VPS16: variants seen among roughly 807,000 people sequenced by gnomAD.
VPS16 encodes the protein VPS16 core subunit of CORVET and HOPS complexes, also known as vacuolar protein sorting-associated protein 16 homolog.
In VPS16, 82 loss-of-function variants were observed where a neutral mutation model predicts 116.0. The observed-to-expected ratio is 0.71, with a 90% CI of 0.59 to 0.85. The LOEUF (loss-of-function observed/expected upper bound fraction) is 0.85, where lower values mean the gene tolerates loss of function less well. Among genes scored for constraint, VPS16 ranks in the 40% least tolerant of loss-of-function variants. VPS16 has a pLI of 0.00. For synonymous variants in VPS16, 406 were observed against 420.7 expected (o/e 0.96, Z 0.43); for missense variants, 928 against 1,090.6 (o/e 0.85, Z 2.10).
rs1257014875 is a variant in VPS16 at position 2,863,782 on chromosome 20, C to T, written c.1477-167C>T. Among the ~76,000 whole-genome samples, 12 of 140,178 alleles carry T rather than the reference C, an allele frequency of 8.6e-5. No homozygotes were observed. The highest frequency in any genetic ancestry group is 1.1e-4 in the Non-Finnish European group (7 of 65,398). 92.0% of individuals were successfully genotyped at this position (140,178 alleles called of 152,430 possible). A position where few individuals can be genotyped will look rare whatever the true frequency, so the allele number is the denominator to read the frequency against. The stretch of plus-strand genomic sequence containing the variant: ...GTCTCAAAAAAAAAGAAAGAAGTGG[C>T]GGGGGCGGAGGAGGAGGGAAAGAGA... On this transcript the variant is annotated intron_variant, in intron 15 of 23. Coordinates refer to ENST00000380445, the MANE Select transcript of VPS16 (RefSeq NM_022575.4). The surrounding 1 kb of genome is among the most constrained non-coding windows in gnomAD (Gnocchi z 4.4).
In VPS16 at chr20:2,863,938, A is replaced by G; in HGVS notation, c.1477-11A>G. 6.2e-7 allele frequency: 1 copy of G among 1,612,760 alleles called. No individual in the cohort carries two copies. The highest frequency in any genetic ancestry group is 1.1e-5 in the South Asian group (1 of 90,990). ...CATCCAGATGTTTGTGACACCCCGC[A>G]TCCCTTGCAGGTGCAACAGAAGGAT... On this transcript the variant is annotated splice_polypyrimidine_tract_variant and intron_variant, in intron 15 of 23. Coordinates refer to ENST00000380445, the MANE Select transcript of VPS16 (RefSeq NM_022575.4). The surrounding 1 kb of genome is among the most constrained non-coding windows in gnomAD (Gnocchi z 4.4).
chr20:2,851,424 C>T (rs1221070334), intron 1 of VPS16, among the ~76,000 whole-genome samples: 5 of 152,008 alleles, frequency 3.3e-5, no homozygotes, highest in African/African-American at 9.7e-5. Context: ...GCCTGACCAA[C>T]GTGGAGAAAC....
chr20:2,861,308 G>A (rs1165829637), intron 8 of VPS16, 28 bp downstream of exon 8: 3 of 1,613,602 alleles, frequency 1.9e-6, no homozygotes, highest in Non-Finnish European at 2.5e-6. Flanking sequence ...ATTGCTGGGG[G>A]TGTGGGTGAG....
In VPS16 at chr20:2,840,778, G is replaced by A; in HGVS notation, c.4G>A (p.Asp2Asn). Reference protein sequence around the residue: MDCYTANWNPLG... With the variant: MNCYTANWNPLG... The stretch of plus-strand genomic sequence containing the variant: ...CCAGCTGCCGTCTGCACCAGCCATG[G>A]ACTGCTACACGGCGAACTGGAACCC... The change falls in exon 1 of 24, where the codon GAC (aspartate) becomes AAC (asparagine). Residue 2 changes from aspartate (D) to asparagine (N), a missense_variant. Transcript: ENST00000380445. The A allele has an allele frequency of 6.5e-7, 1 of 1,548,582 alleles. No homozygotes were observed. Among genetic ancestry groups the A allele is most frequent in the East Asian group, 2.4e-5 (1 of 40,876 alleles).
chr20:2,859,888 G>A, intron 2 of VPS16, 81 bp downstream of exon 2: 2 of 1,525,802 alleles, frequency 1.3e-6, no homozygotes, highest in Non-Finnish European at 1.8e-6. Context: ...CCTGCTGTCA[G>A]GTTGTTCTTG....
In VPS16 at chr20:2,840,766, G is replaced by C; in HGVS notation, c.-9G>C. 6.5e-7 allele frequency: 1 copy of C among 1,548,096 alleles called. No homozygotes were observed. Among genetic ancestry groups the C allele is most frequent in the Non-Finnish European group, 8.7e-7 (1 of 1,146,506 alleles). On this transcript the variant is annotated 5_prime_UTR_variant, in exon 1 of 24. Transcript: ENST00000380445. ...CCTCGGTGCTTCCCAGCTGCCGTCT[G>C]CACCAGCCATGGACTGCTACACGGC...
chr20:2,856,117 T>A (rs985328023), intron 1 of VPS16, among the ~76,000 whole-genome samples: 18 of 152,222 alleles, frequency 1.2e-4, no homozygotes, highest in Admixed American at 7.2e-4. Context: ...TTGCCACTCT[T>A]CTTTCACTTG....
chr20:2,865,582 C>A lies in VPS16; in HGVS notation c.2271+87C>A. 8.1e-7 allele frequency: 1 copy of A among 1,231,440 alleles called. No homozygotes were observed. Among genetic ancestry groups the A allele is most frequent in the East Asian group, 2.4e-5 (1 of 41,166 alleles). The allele number at this position is 1,231,440 out of a possible 1,614,324, so 76.3% of individuals were successfully genotyped here. A position where few individuals can be genotyped will look rare whatever the true frequency, so the allele number is the denominator to read the frequency against. On this transcript the variant is annotated intron_variant, in intron 22 of 23. Transcript: ENST00000380445. This position sits in a 1 kb window ranked among gnomAD's most constrained non-coding sequence, Gnocchi z 5.2. The stretch of plus-strand genomic sequence containing the variant: ...AGGCAGGGAGACAGATAGGATGGCC[C>A]GTTCATGCTCCTGTTCAGCTGCCCG...
At chr20:2,842,849 G>GACAGATAGATGTATCTATCGATAGACAT (rs1468119077) in intron 1 of VPS16, among the ~76,000 whole-genome samples, 1 of 144,572 alleles carries the variant, frequency 6.9e-6, no homozygotes, top group Non-Finnish European at 1.5e-5. Flanking sequence ...TCTATCGATA[G>GACAGATAGATGTATCTATCGATAGACAT]ATAGATGTAT....
chr20:2,846,984 C>T (rs2089066594), intron 1 of VPS16, among the ~76,000 whole-genome samples: 1 of 152,166 alleles, frequency 6.6e-6, no homozygotes, highest in African/African-American at 2.4e-5. Context: ...TGGCCTTCCT[C>T]ACTAAGTGTG....
At chr20:2,841,398 A>G (rs538458879) in intron 1 of VPS16, among the ~76,000 whole-genome samples, 4 of 152,332 alleles carry the variant, frequency 2.6e-5, no homozygotes, top group African/African-American at 7.2e-5. Flanking sequence ...CCTAATAGGA[A>G]AAACTACGAA....
rs2089292653 is a variant in VPS16, at chr20:2,864,485, T to C, written c.1818+23T>C. 6.2e-7 allele frequency: 1 copy of C among 1,614,042 alleles called. No individual in the cohort carries two copies. Among genetic ancestry groups the C allele is most frequent in the African/African-American group, 1.3e-5 (1 of 74,922 alleles). ...CAGGTGTGTGTAGTGGGCAGGGTTGTGGTGTAGCCTTCTGAGCACTTGAGT... is the reference window on the plus strand; with the variant it reads ...CAGGTGTGTGTAGTGGGCAGGGTTGCGGTGTAGCCTTCTGAGCACTTGAGT... On this transcript the variant is annotated intron_variant, in intron 18 of 23. Coordinates refer to ENST00000380445, the MANE Select transcript of VPS16 (RefSeq NM_022575.4). This position sits in a 1 kb window ranked among gnomAD's most constrained non-coding sequence, Gnocchi z 5.2.
intron 1 of VPS16, among the ~76,000 whole-genome samples, chr20:2,845,213 T>G (rs1316460418): frequency 6.6e-6 from 1 of 151,746 alleles, no homozygotes; most frequent in Non-Finnish European, 1.5e-5. Flanking sequence ...CTCAGAGATT[T>G]AGAAGTAAAG....
At chr20:2,857,872 G>C (rs576007273) in intron 1 of VPS16, among the ~76,000 whole-genome samples, 2 of 151,828 alleles carry the variant, frequency 1.3e-5, no homozygotes, top group Admixed American at 1.3e-4. Context: ...CACCACGCCT[G>C]GCTAATTTTT....
chr20:2,861,749 G>C, intron 9 of VPS16, 45 bp downstream of exon 9: 1 of 1,608,560 alleles, frequency 6.2e-7, no homozygotes, highest in Non-Finnish European at 8.5e-7. Context: ...GGGAGGGGAG[G>C]GTTCACCTGC....
rs759562050 is a variant in VPS16, at chr20:2,865,505, G to T, written c.2271+10G>T. 6.2e-7 allele frequency: 1 copy of T among 1,612,104 alleles called. No individual in the cohort carries two copies. Among genetic ancestry groups the T allele is most frequent in the East Asian group, 2.2e-5 (1 of 44,890 alleles). ...ACCCATTGGCTACCTGGTGAGGCAG[G>T]GTCCTCCCTCCAGCCCACTTCCAGT... On this transcript the variant is annotated intron_variant, in intron 22 of 23. Coordinates refer to ENST00000380445, the MANE Select transcript of VPS16 (RefSeq NM_022575.4). The surrounding 1 kb of genome is among the most constrained non-coding windows in gnomAD (Gnocchi z 5.2).
In VPS16 at chr20:2,864,045, C is replaced by T. The variant is rs779261828; in HGVS notation, c.1573C>T (p.Arg525Ter). 1.9e-6 allele frequency: 3 copies of T among 1,613,838 alleles called. No individual in the cohort carries two copies. The highest frequency in any genetic ancestry group is 1.7e-6 in the Non-Finnish European group (2 of 1,180,000). The change falls in exon 16 of 24, where the codon CGA (arginine) becomes TGA (stop). Residue 525 changes from arginine to a stop codon, truncating the protein, a stop_gained. Coordinates refer to ENST00000380445, the MANE Select transcript of VPS16 (RefSeq NM_022575.4). LOFTEE classifies it high-confidence loss of function. This position sits in a 1 kb window ranked among gnomAD's most constrained non-coding sequence, Gnocchi z 5.2. ...PGVSYSDIAA[R>*]AYGCGRTELA... ...TGTCTCTTACTCCGACATTGCTGCA[C>T]GAGCCTATGGTTGTGGCCGCACGGA...
At position 2,843,435 on chromosome 20, in the gene VPS16, G is replaced by GA. The variant is rs77758460; in HGVS notation, c.53+2620dup. ...CAACAGAGCAAGACTCCATCTTGGG[G>GA]AAAAAAAAAAAAGAAAAGAAATATG... On this transcript the variant is annotated intron_variant, in intron 1 of 23. Transcript: ENST00000380445. Among the ~76,000 whole-genome samples, 703 of 137,624 alleles carry GA rather than the reference G, an allele frequency of 5.1e-3. 2 individuals are homozygous for GA. The highest frequency in any genetic ancestry group is 0.016 in the African/African-American group (593 of 37,396). 90.3% of individuals were successfully genotyped at this position (137,624 alleles called of 152,430 possible).
At chr20:2,842,741 TACATATAGATGTATCTATCTATAGATAG>T (rs1568620765) in intron 1 of VPS16, among the ~76,000 whole-genome samples, 21 of 22,392 alleles carry the variant, frequency 9.4e-4, no homozygotes, top group East Asian at 4.2e-3. Flanking sequence ...TATCTATAGA[TACATATAGATGTATCTATCTATAGATAG>T]ACATATAGAT....
Sources: gnomAD v4.1 joint callset for allele counts (sites outside exome capture counted in the v4.1 genomes callset) on GRCh38, gnomAD v4.1.1 for gene constraint, Gnocchi (gnomAD v3.1) non-coding constraint, MANE v1.5 for transcripts, NCBI Gene and HGNC (gene_info 2026-07-23, HGNC 2026-07-21) for gene names.